Variants in CCDC7 observed in about 807,000 individuals in gnomAD.
CCDC7 encodes the protein coiled-coil domain containing 7, also known as coiled-coil domain-containing protein 7.
In CCDC7, 183 loss-of-function variants were observed where a neutral mutation model predicts 196.9. That is an observed-to-expected ratio of 0.93 (90% CI 0.82 to 1.05). CCDC7 has a LOEUF of 1.05. CCDC7 is among the 50% of genes least tolerant of loss of function. The probability of loss-of-function intolerance (pLI) is 0.00; values close to 1 mark genes in which losing one functional copy is unlikely to be tolerated. For missense variants in CCDC7, 1,540 were observed against 1,482.2 expected (o/e 1.04, Z -0.64); for synonymous variants, 525 against 484.6 (o/e 1.08, Z -1.10).
chr10:32,860,654 T>A (rs942352716), intron 41 of CCDC7, among the ~76,000 whole-genome samples: 1 of 152,148 alleles, frequency 6.6e-6, no homozygotes, highest in African/African-American at 2.4e-5. Context: ...TGATTGTATA[T>A]TTAGAAAACC....
chr10:32,841,070 T>A (rs892738374), intron 33 of CCDC7, among the ~76,000 whole-genome samples: 1 of 151,786 alleles, frequency 6.6e-6, no homozygotes, highest in Non-Finnish European at 1.5e-5. Context: ...TTGAAAGCAT[T>A]CCCCCTGAAA....
intron 28 of CCDC7, among the ~76,000 whole-genome samples, chr10:32,762,976 A>G (rs1175973005): frequency 6.6e-6 from 1 of 151,936 alleles, no homozygotes; most frequent in Non-Finnish European, 1.5e-5. Flanking sequence ...TAGCTCACCA[A>G]GAGCACAGGA....
At position 32,594,644 on chromosome 10, in the gene CCDC7, A is replaced by G. The variant is rs181847531; in HGVS notation, c.1801+10340A>G. 5.3e-5 allele frequency among the ~76,000 whole-genome samples: 8 copies of G among 152,154 alleles called. No homozygotes were observed. The East Asian group carries it at 1.4e-3, about 26-fold the overall frequency. Reference sequence around the variant, plus strand: ...TTTTTTGCCAGTTTTCAAAGGGAACACTTCCAGTTTTTGCCCATTCAGTAT... The same window carrying G: ...TTTTTTGCCAGTTTTCAAAGGGAACGCTTCCAGTTTTTGCCCATTCAGTAT... On this transcript the variant is annotated intron_variant, in intron 18 of 41. Transcript: ENST00000639629.
chr10:32,636,152 T>C (rs1041470848), intron 20 of CCDC7, among the ~76,000 whole-genome samples: 1 of 152,210 alleles, frequency 6.6e-6, no homozygotes, highest in Admixed American at 6.5e-5. Flanking sequence ...TGAGACAGTA[T>C]TATTGAGTCA....
chr10:32,498,220 T>C (rs2043217424), intron 9 of CCDC7, among the ~76,000 whole-genome samples: 1 of 152,214 alleles, frequency 6.6e-6, no homozygotes, highest in African/African-American at 2.4e-5. Context: ...AACCCTGCTT[T>C]TTTTTGCTTT....
intron 29 of CCDC7, among the ~76,000 whole-genome samples, chr10:32,791,126 T>C (rs1056863769): frequency 1.3e-5 from 2 of 152,202 alleles, no homozygotes; most frequent in African/African-American, 4.8e-5. Flanking sequence ...ACAGTCATCA[T>C]TGACATGGAT....
rs1346298869 is a variant in CCDC7, at chr10:32,659,296, T to A, written c.2015-4758T>A. 4.6e-5 allele frequency among the ~76,000 whole-genome samples: 7 copies of A among 152,352 alleles called. No homozygotes were observed. The East Asian group carries it at 1.3e-3, about 29-fold the overall frequency. On this transcript the variant is annotated intron_variant, in intron 20 of 41. Transcript: ENST00000639629. Reference sequence around the variant, plus strand: ...TTTATTTTCTCATTGACTCATTGGTTATCCAGGAGTGTGCCACTAAATTTT... The same window carrying A: ...TTTATTTTCTCATTGACTCATTGGTAATCCAGGAGTGTGCCACTAAATTTT...
rs117277215 is a variant in CCDC7, at chr10:32,635,734, A to T, written c.2014+576A>T. 1.3e-4 allele frequency among the ~76,000 whole-genome samples: 19 copies of T among 151,902 alleles called. No homozygotes were observed. In the East Asian group the frequency reaches 3.7e-3, roughly 29 times the overall value. ...GATTGGTATTTGCATGATACATTTTATATTTCATCCTGGTAACTTAACATT... is the reference window on the plus strand; with the variant it reads ...GATTGGTATTTGCATGATACATTTTTTATTTCATCCTGGTAACTTAACATT... On this transcript the variant is annotated intron_variant, in intron 20 of 41. Transcript: ENST00000639629.
intron 20 of CCDC7, among the ~76,000 whole-genome samples, chr10:32,658,854 AG>A (rs1318494223): frequency 1.3e-5 from 2 of 152,196 alleles, no homozygotes; most frequent in African/African-American, 2.4e-5. Flanking sequence ...TGTTCATAAT[AG>A]TCATAATTTT....
chr10:32,583,307 G>T, exon 17 of CCDC7: 1 of 1,228,544 alleles, frequency 8.1e-7, no homozygotes, highest in Non-Finnish European at 1.0e-6. Flanking sequence ...AAAGTAAAAA[G>T]GTATGATATA....
At chr10:32,586,578 C>T (rs866349077) in intron 18 of CCDC7, among the ~76,000 whole-genome samples, 1 of 152,136 alleles carries the variant, frequency 6.6e-6, no homozygotes, top group Admixed American at 6.5e-5. Flanking sequence ...GATCCAGTTT[C>T]AGTTTTCTGC....
intron 20 of CCDC7, among the ~76,000 whole-genome samples, chr10:32,661,164 C>T (rs866318047): frequency 0.06 from 5,049 of 84,586 alleles, 5 homozygotes; most frequent in African/African-American, 0.071. Flanking sequence ...GGGCGAAGGA[C>T]ATGAACAGAC....
chr10:32,838,796 C>A (rs2092788607), intron 33 of CCDC7, among the ~76,000 whole-genome samples: 1 of 151,976 alleles, frequency 6.6e-6, no homozygotes, highest in Admixed American at 6.6e-5. Flanking sequence ...TCAGCAGAAG[C>A]CCTACATGTT....
chr10:32,854,699 C>T (rs1020274918), intron 41 of CCDC7, among the ~76,000 whole-genome samples: 1 of 152,116 alleles, frequency 6.6e-6, no homozygotes, highest in Non-Finnish European at 1.5e-5. Context: ...GGCTTATATG[C>T]TTATATCCTC....
chr10:32,685,899 T>A, intron 21 of CCDC7, 71 bp from the exon 23 acceptor site: 1 of 871,056 alleles, frequency 1.1e-6, no homozygotes. Context: ...GTTTTATAAA[T>A]TTGAAACACA....
chr10:32,552,838 C>G (rs2053695958), intron 13 of CCDC7, among the ~76,000 whole-genome samples: 1 of 152,144 alleles, frequency 6.6e-6, no homozygotes, highest in Admixed American at 6.5e-5. Context: ...GCTTCTGTCT[C>G]ACAGCTCTTA....
At chr10:32,669,485 A>G (rs1445617235) in intron 21 of CCDC7, among the ~76,000 whole-genome samples, 2 of 152,122 alleles carry the variant, frequency 1.3e-5, no homozygotes, top group South Asian at 2.1e-4. Flanking sequence ...AACATTGGGT[A>G]GAATTTAGTA....
At chr10:32,791,489 T>A (rs369721450) in intron 29 of CCDC7, among the ~76,000 whole-genome samples, 63 of 151,890 alleles carry the variant, frequency 4.1e-4, no homozygotes, top group African/African-American at 1.4e-3. Context: ...AGAAAATAAT[T>A]CATCATCTGA....
chr10:32,763,876 A>G (rs2077846393), intron 28 of CCDC7, among the ~76,000 whole-genome samples: 2 of 151,884 alleles, frequency 1.3e-5, no homozygotes, highest in African/African-American at 2.4e-5. Flanking sequence ...GTTAGATAGG[A>G]GTATTAATTT....
Sources: gnomAD v4.1 joint callset for allele counts (sites outside exome capture counted in the v4.1 genomes callset) on GRCh38, gnomAD v4.1.1 for gene constraint, MANE v1.5 for transcripts, NCBI Gene and HGNC (gene_info 2026-07-23, HGNC 2026-07-21) for gene names.